Variants in GUCY1A1 observed in about 807,000 individuals in gnomAD.
GUCY1A1 encodes guanylate cyclase 1 soluble subunit alpha 1, also known as guanylate cyclase soluble subunit alpha-1.
A neutral mutation model predicts 64.5 loss-of-function variants in GUCY1A1; 48 were observed. The ratio of observed to expected loss-of-function variants is 0.74; its 90% CI spans 0.59 to 0.95. The LOEUF (loss-of-function observed/expected upper bound fraction) is 0.95. GUCY1A1 is among the 40% of genes least tolerant of loss of function. The probability of loss-of-function intolerance (pLI) is 0.00; values close to 1 mark genes in which losing one functional copy is unlikely to be tolerated. For missense variants in GUCY1A1, 804 were observed against 825.3 expected, an observed-to-expected ratio of 0.97 and a Z score of 0.32; for synonymous variants, 308 against 303.4, an observed-to-expected ratio of 1.02 and a Z score of -0.16.
chr4:155,694,843 T>C (rs1171420486), intron 2 of GUCY1A1, among the ~76,000 whole-genome samples: 2 of 152,332 alleles, frequency 1.3e-5, no homozygotes, highest in African/African-American at 4.8e-5. Context: ...TATGTTGAGA[T>C]GTAGTAAAGA....
chr4:155,687,543 T>C (rs1260437214), intron 2 of GUCY1A1, among the ~76,000 whole-genome samples: 2 of 152,158 alleles, frequency 1.3e-5, no homozygotes, highest in Non-Finnish European at 2.9e-5. Context: ...TACCACCGAG[T>C]AGCATTTGTG....
chr4:155,693,324 C>CCAAG (rs753364833), intron 2 of GUCY1A1, among the ~76,000 whole-genome samples: 5 of 152,128 alleles, frequency 3.3e-5, no homozygotes, highest in Non-Finnish European at 7.3e-5. Flanking sequence ...CCACTTCTTG[C>CCAAG]CAAGGCCTGT....
rs1736042514 is a variant in GUCY1A1, at chr4:155,736,226, A to T, written c.*5995A>T. The T allele has an allele frequency of 6.6e-6, 1 of 151,978 alleles. No homozygotes were observed. Among genetic ancestry groups the T allele is most frequent in the Non-Finnish European group, 1.5e-5 (1 of 67,928 alleles). The allele number at this position is 151,978 out of a possible 1,614,324, so 9.4% of individuals were successfully genotyped here. A position where few individuals can be genotyped will look rare whatever the true frequency, so the allele number is the denominator to read the frequency against. Reference sequence around the variant, plus strand: ...TAGGACAGCTTTTCTTTTCTAAATGAGCATGAATATAAATAGAAATTCTAG... The same window carrying T: ...TAGGACAGCTTTTCTTTTCTAAATGTGCATGAATATAAATAGAAATTCTAG... On this transcript the variant is annotated 3_prime_UTR_variant, in exon 10 of 10. Transcript: ENST00000506455.
In GUCY1A1 at chr4:155,732,521, T is replaced by C. The variant is rs1439931209; in HGVS notation, c.*2290T>C. On this transcript the variant is annotated 3_prime_UTR_variant, in exon 10 of 10. Transcript: ENST00000506455. ...CTAAAAAATTTAAGGAATATCTTTT[T>C]TTCTCTATCTTATCTGCTTTGAAGC... 2.0e-5 allele frequency among the ~76,000 whole-genome samples: 3 copies of C among 151,932 alleles called. No homozygotes were observed. Among genetic ancestry groups the C allele is most frequent in the Admixed American group, 2.0e-4 (3 of 15,222 alleles).
In GUCY1A1 at chr4:155,711,103, A is replaced by G. The variant is rs1412827353; in HGVS notation, c.938A>G (p.Asp313Gly). Residue 313 changes from aspartate (D) to glycine (G), a missense_variant, in exon 6 of 10, where the codon GAC (aspartate) becomes GGC (glycine). Asp to Gly is a moderately conservative substitution (Grantham distance 94). Coordinates refer to ENST00000506455, the MANE Select transcript of GUCY1A1 (RefSeq NM_001130682.3). ...ATCAGAAGGCTGATGAACAGGAGAG[A>G]CTTTCAAGGAAAGCCTAATTTTGAA... ...NGIRRLMNRR[D>G]FQGKPNFEEY... 1.2e-6 allele frequency: 2 copies of G among 1,613,252 alleles called. No homozygotes were observed.
At chr4:155,729,180 T>C (rs187939837) in intron 9 of GUCY1A1, among the ~76,000 whole-genome samples, 30 of 151,822 alleles carry the variant, frequency 2.0e-4, no homozygotes, top group African/African-American at 6.7e-4. Flanking sequence ...TTTGGGTAAA[T>C]ATAATAAATG....
Position 155,730,031 on chromosome 4 carries a change from T to C in GUCY1A1, c.1873T>C (p.Leu625=). 6.3e-7 allele frequency: 1 copy of C among 1,578,508 alleles called. No individual in the cohort carries two copies. Among genetic ancestry groups the C allele is most frequent in the Middle Eastern group, 1.7e-4 (1 of 5,988 alleles). ...KINVSPTTYR[L]LKDCPGFVFT... is the part of the protein sequence containing the mutation. ...AGTATTATATTTTAATATTTTCAGA[T>C]TACTCAAAGACTGTCCTGGTTTCGT... Residue 625 remains leucine (L), a splice_region_variant and synonymous_variant, in exon 10 of 10, where the codon TTA becomes CTA. Coordinates refer to ENST00000506455, the MANE Select transcript of GUCY1A1 (RefSeq NM_001130682.3).
chr4:155,692,269 C>A (rs760552203), intron 2 of GUCY1A1, among the ~76,000 whole-genome samples: 7 of 152,196 alleles, frequency 4.6e-5, no homozygotes, highest in Non-Finnish European at 1.0e-4. Flanking sequence ...GTGCATGTGT[C>A]TTTATAATAG....
chr4:155,667,130 G>A (rs905435437), intron 1 of GUCY1A1, 165 bp downstream of exon 1: 1 of 152,432 alleles, frequency 6.6e-6, no homozygotes, highest in Admixed American at 6.5e-5. Context: ...AGGCAAGGAG[G>A]ACTGTCTGGG....
At chr4:155,696,465 T>G (rs1730423594) in intron 2 of GUCY1A1, among the ~76,000 whole-genome samples, 1 of 152,136 alleles carries the variant, frequency 6.6e-6, no homozygotes, top group African/African-American at 2.4e-5. Flanking sequence ...CTGGACCAGA[T>G]GAGTGTAAAA....
chr4:155,683,458 A>G (rs1041303191), intron 2 of GUCY1A1, among the ~76,000 whole-genome samples: 1 of 152,242 alleles, frequency 6.6e-6, no homozygotes, highest in African/African-American at 2.4e-5. Context: ...TTTCAATTTC[A>G]GCAGAAAATA....
chr4:155,708,350 T>G lies in GUCY1A1; in HGVS notation c.376+56T>G, dbSNP rs968662905. The G allele has an allele frequency of 9.2e-6, 8 of 867,068 alleles. No homozygotes were observed. The Admixed American group carries it at 1.0e-4, about 11-fold the overall frequency. The allele number at this position is 867,068 out of a possible 1,614,324, so 53.7% of individuals were successfully genotyped here. A position where few individuals can be genotyped will look rare whatever the true frequency, so the allele number is the denominator to read the frequency against. ...ATGCCATATACCTGTAGAACTCACA[T>G]TTTCTCCAAAAATATTCATATTTAT... On this transcript the variant is annotated intron_variant, in intron 5 of 9. Coordinates refer to ENST00000506455, the MANE Select transcript of GUCY1A1 (RefSeq NM_001130682.3).
At chr4:155,682,148 C>T (rs1366871626) in intron 2 of GUCY1A1, among the ~76,000 whole-genome samples, 1 of 152,090 alleles carries the variant, frequency 6.6e-6, no homozygotes, top group Non-Finnish European at 1.5e-5. Context: ...CTTGCTTTCA[C>T]TTACACTGTT....
chr4:155,698,954 CTTATT>C (rs1449455386), intron 3 of GUCY1A1, among the ~76,000 whole-genome samples: 1 of 151,940 alleles, frequency 6.6e-6, no homozygotes, highest in East Asian at 1.9e-4. Context: ...GCATAGTTTT[CTTATT>C]TTATTTAGTT....
intron 2 of GUCY1A1, among the ~76,000 whole-genome samples, chr4:155,676,076 A>G (rs1578999023): frequency 6.6e-6 from 1 of 151,480 alleles, no homozygotes; most frequent in South Asian, 2.1e-4. Context: ...GAGGTTGCCC[A>G]ATAGCAGTGG....
chr4:155,718,511 T>C (rs1345740354), intron 8 of GUCY1A1, among the ~76,000 whole-genome samples: 1 of 152,082 alleles, frequency 6.6e-6, no homozygotes. Context: ...TGCTCTACAA[T>C]CTATGGGACC....
intron 2 of GUCY1A1, among the ~76,000 whole-genome samples, chr4:155,685,513 T>C (rs1451973215): frequency 1.3e-5 from 2 of 152,148 alleles, no homozygotes; most frequent in Non-Finnish European, 1.5e-5. Context: ...AGCTTAGCTT[T>C]GTCTGACCCT....
At chr4:155,712,357 C>G (rs1732685153) in intron 6 of GUCY1A1, among the ~76,000 whole-genome samples, 1 of 152,170 alleles carries the variant, frequency 6.6e-6, no homozygotes, top group South Asian at 2.1e-4. Context: ...GTCTTGAACT[C>G]CTGACCTTGG....
At chr4:155,685,212 T>C (rs1728816832) in intron 2 of GUCY1A1, among the ~76,000 whole-genome samples, 1 of 152,194 alleles carries the variant, frequency 6.6e-6, no homozygotes, top group Non-Finnish European at 1.5e-5. Context: ...TCCCATAAGA[T>C]TGTTGTGAAG....
Sources: gnomAD v4.1 joint callset for allele counts (sites outside exome capture counted in the v4.1 genomes callset) on GRCh38, gnomAD v4.1.1 for gene constraint, MANE v1.5 for transcripts, NCBI Gene and HGNC (gene_info 2026-07-23, HGNC 2026-07-21) for gene names.